SLC35E3: variants seen among roughly 807,000 people sequenced by gnomAD.
SLC35E3 encodes the protein solute carrier family 35 member E3.
SLC35E3 carries 28 observed loss-of-function variants against 30.8 expected under a neutral mutation model. That is an observed-to-expected ratio of 0.91 (90% confidence interval 0.67 to 1.25). SLC35E3 has a LOEUF of 1.25. SLC35E3 is among the 50% of genes most tolerant of loss of function. The pLI, the probability that SLC35E3 is intolerant of heterozygous loss-of-function variation, is 0.00. For missense variants in SLC35E3, 365 were observed against 375.4 expected, an observed-to-expected ratio of 0.97 and a Z score of 0.23; for synonymous variants, 146 against 149.2, an observed-to-expected ratio of 0.98 and a Z score of 0.16.
chr12:68,751,062 T>C (rs1878772193), intron 2 of SLC35E3, among the ~76,000 whole-genome samples: 1 of 152,182 alleles, frequency 6.6e-6, no homozygotes, highest in Admixed American at 6.5e-5. Context: ...TTGTTTCTAC[T>C]GAATGGTATG....
chr12:68,749,067 A>G (rs1273744802), intron 2 of SLC35E3, among the ~76,000 whole-genome samples: 2 of 152,236 alleles, frequency 1.3e-5, no homozygotes, highest in African/African-American at 4.8e-5. Context: ...TGCCTAGTAT[A>G]GGCAATTTAT....
intron 4 of SLC35E3, among the ~76,000 whole-genome samples, chr12:68,759,703 TAA>T (rs765439476): frequency 2.1e-4 from 29 of 136,598 alleles, no homozygotes; most frequent in Admixed American, 2.2e-4. Flanking sequence ...GACTCTGTCT[TAA>T]AAAAAAAAAA....
intron 4 of SLC35E3, among the ~76,000 whole-genome samples, chr12:68,762,661 G>A (rs967085013): frequency 2.6e-5 from 4 of 152,118 alleles, no homozygotes; most frequent in African/African-American, 7.2e-5. Context: ...CTTCCTTCTC[G>A]TATAAATATA....
rs182285632 is a variant in SLC35E3, at chr12:68,769,687, C to G, written c.*4797C>G. The G allele has an allele frequency of 6.6e-6, 1 of 151,926 alleles. No individual in the cohort carries two copies. Among genetic ancestry groups the G allele is most frequent in the Non-Finnish European group, 1.5e-5 (1 of 67,986 alleles). The allele number at this position is 151,926 out of a possible 1,614,324, so 9.4% of individuals were successfully genotyped here. A position where few individuals can be genotyped will look rare whatever the true frequency, so the allele number is the denominator to read the frequency against. ...AAATAAATAATAAAAGAAAGGAGAC[C>G]GGATTTATTAGATGTGGTCCGTTTT... On this transcript the variant is annotated 3_prime_UTR_variant, in exon 5 of 5. Coordinates refer to ENST00000398004, the MANE Select transcript of SLC35E3 (RefSeq NM_018656.5).
At position 68,770,180 on chromosome 12, in the gene SLC35E3, G is replaced by T. The variant is rs542175031; in HGVS notation, c.*5290G>T. ...TTGGAGGAATTGTGATGCTTTTAAA[G>T]AACTGTAAAAAGGATGGAGTCTGGA... On this transcript the variant is annotated 3_prime_UTR_variant, in exon 5 of 5. Coordinates refer to ENST00000398004, the MANE Select transcript of SLC35E3 (RefSeq NM_018656.5). 8 of 152,378 alleles carry T rather than the reference G, an allele frequency of 5.3e-5. No homozygotes were observed. The highest frequency in any genetic ancestry group is 1.9e-4 in the African/African-American group (8 of 41,580). 9.4% of individuals were successfully genotyped at this position (152,378 alleles called of 1,614,324 possible).
At chr12:68,756,825 C>A (rs1879029561) in intron 3 of SLC35E3, among the ~76,000 whole-genome samples, 1 of 152,198 alleles carries the variant, frequency 6.6e-6, no homozygotes, top group Admixed American at 6.5e-5. Context: ...TCCTGGCTAA[C>A]ACGGTGAAAC....
At chr12:68,756,947 G>A (rs768567581) in intron 3 of SLC35E3, among the ~76,000 whole-genome samples, 24 of 152,196 alleles carry the variant, frequency 1.6e-4, no homozygotes, top group Non-Finnish European at 2.8e-4. Context: ...CCCGCGAGGC[G>A]GAGCTTGCAG....
intron 4 of SLC35E3, among the ~76,000 whole-genome samples, chr12:68,762,977 G>C (rs1203130501): frequency 2.0e-5 from 3 of 152,194 alleles, no homozygotes; most frequent in Non-Finnish European, 4.4e-5. Context: ...GACTAGTGTG[G>C]GAACTCTCAG....
chr12:68,764,590 A>G, intron 4 of SLC35E3, 114 bp from the exon 5 acceptor site: 1 of 936,870 alleles, frequency 1.1e-6, no homozygotes, highest in East Asian at 2.7e-5. Context: ...GCCTGGTCCC[A>G]TTGTTCTTTA....
intron 4 of SLC35E3, among the ~76,000 whole-genome samples, chr12:68,762,496 G>T (rs1037168612): frequency 7.9e-5 from 12 of 152,156 alleles, no homozygotes; most frequent in Non-Finnish European, 7.3e-5. Context: ...GGAGGGCACT[G>T]GGTTTGACCA....
Position 68,772,004 on chromosome 12 carries a change from G to T in SLC35E3, c.*7114G>T, listed in dbSNP as rs1251131390. 2 of 151,928 alleles carry T rather than the reference G, an allele frequency of 1.3e-5. No individual in the cohort carries two copies. Among genetic ancestry groups the T allele is most frequent in the Non-Finnish European group, 2.9e-5 (2 of 67,970 alleles). The allele number at this position is 151,928 out of a possible 1,614,324, so 9.4% of individuals were successfully genotyped here. On this transcript the variant is annotated 3_prime_UTR_variant, in exon 5 of 5. Coordinates refer to ENST00000398004, the MANE Select transcript of SLC35E3 (RefSeq NM_018656.5). ...GTAGATTGAATAAATTAATCAGAAG[G>T]GTTTGGTTTGTTTGACCTTTTTTTT...
rs1879401292 is a variant in SLC35E3, at chr12:68,766,050, A to G, written c.*1160A>G. On this transcript the variant is annotated 3_prime_UTR_variant, in exon 5 of 5. Transcript: ENST00000398004. ...AAATCTCATTTATAAAGTATAATAA[A>G]GATGACTGTAAGACAAAATCCAATT... The G allele has an allele frequency of 6.6e-6, 1 of 152,098 alleles. No homozygotes were observed. The highest frequency in any genetic ancestry group is 1.5e-5 in the Non-Finnish European group (1 of 68,010). The allele number at this position is 152,098 out of a possible 1,614,324, so 9.4% of individuals were successfully genotyped here. A position where few individuals can be genotyped will look rare whatever the true frequency, so the allele number is the denominator to read the frequency against.
chr12:68,746,664 A>G lies in SLC35E3; in HGVS notation c.287A>G (p.Gln96Arg). Reference protein sequence around the residue: ...GFVVFTNLSLQNNTIGTYQLA... With the variant: ...GFVVFTNLSLRNNTIGTYQLA... ...GTGGTCTTCACTAACCTTTCTCTGC[A>G]GAACAACACCATAGGCACCTATCAG... Residue 96 changes from glutamine (Q) to arginine (R), a missense_variant, in exon 1 of 5, where the codon CAG (glutamine) becomes CGG (arginine). Coordinates refer to ENST00000398004, the MANE Select transcript of SLC35E3 (RefSeq NM_018656.5). 1 of 1,614,222 alleles carries G rather than the reference A, an allele frequency of 6.2e-7. No homozygotes were observed.
chr12:68,746,436 T>G lies in SLC35E3; in HGVS notation c.59T>G (p.Phe20Cys). ...TGGCGAATCGCCGCCGGGCTCCTGTTCAACCTGCTGGTGTCCATCTGCATT... is the reference window on the plus strand; with the variant it reads ...TGGCGAATCGCCGCCGGGCTCCTGTGCAACCTGCTGGTGTCCATCTGCATT... ...GHWRIAAGLLFNLLVSICIVF... is the reference protein window; with the variant it reads ...GHWRIAAGLLCNLLVSICIVF... The change falls in exon 1 of 5, where the codon TTC becomes TGC. Residue 20 changes from phenylalanine to cysteine, a missense_variant. Transcript: ENST00000398004. The G allele has an allele frequency of 6.2e-7, 1 of 1,613,560 alleles. No individual in the cohort carries two copies. The highest frequency in any genetic ancestry group is 2.2e-5 in the East Asian group (1 of 44,874).
chr12:68,761,708 T>C (rs982231596), intron 4 of SLC35E3, among the ~76,000 whole-genome samples: 1 of 152,220 alleles, frequency 6.6e-6, no homozygotes, highest in Non-Finnish European at 1.5e-5. Context: ...GATATTCTAA[T>C]TTAGAAGTAA....
intron 3 of SLC35E3, among the ~76,000 whole-genome samples, chr12:68,758,759 T>C (rs1307293517): frequency 1.2e-5 from 1 of 83,056 alleles, no homozygotes; most frequent in African/African-American, 4.3e-5. Flanking sequence ...TTTTTTTTTT[T>C]GAGATGGAGT....
chr12:68,758,519 A>C (rs988183666), intron 3 of SLC35E3, among the ~76,000 whole-genome samples: 1 of 151,960 alleles, frequency 6.6e-6, no homozygotes, highest in African/African-American at 2.4e-5. Flanking sequence ...GCTTTTCTTT[A>C]TTGTCTGATG....
rs1324888192 is a variant in SLC35E3, at chr12:68,746,206, G to C, written c.-172G>C. 1 of 548,460 alleles carries C rather than the reference G, an allele frequency of 1.8e-6. No homozygotes were observed. The highest frequency in any genetic ancestry group is 3.1e-6 in the Non-Finnish European group (1 of 321,466). The allele number at this position is 548,460 out of a possible 1,614,324, so 34.0% of individuals were successfully genotyped here. ...AGCTGGCTTACAGGGCGGCGGCGGG[G>C]TGTGTGTCCTCTGTTAAGAGTGCTA... is the stretch of plus-strand genomic sequence containing the variant. On this transcript the variant is annotated 5_prime_UTR_variant, in exon 1 of 5. Coordinates refer to ENST00000398004, the MANE Select transcript of SLC35E3 (RefSeq NM_018656.5).
Position 68,770,874 on chromosome 12 carries a change from T to C in SLC35E3, c.*5984T>C. On this transcript the variant is annotated 3_prime_UTR_variant, in exon 5 of 5. Transcript: ENST00000398004. The stretch of plus-strand genomic sequence containing the variant: ...TCACACATGTCTGATTTGCGCAGCT[T>C]GATAGAGAATGGTGCCATTCTCTGA... 5.8e-6 allele frequency: 1 copy of C among 171,798 alleles called. No individual in the cohort carries two copies. The highest frequency in any genetic ancestry group is 1.3e-5 in the Non-Finnish European group (1 of 79,400). The allele number at this position is 171,798 out of a possible 1,614,324, so 10.6% of individuals were successfully genotyped here.
Sources: allele counts gnomAD v4.1 joint callset (sites outside exome capture counted in the v4.1 genomes callset), GRCh38; gene constraint gnomAD v4.1.1; transcripts MANE v1.5; gene names NCBI Gene and HGNC (gene_info 2026-07-23, HGNC 2026-07-21).